Variants in TEK observed in about 807,000 individuals in gnomAD.
TEK encodes angiopoietin-1 receptor.
TEK carries 43 observed loss-of-function variants against 131.8 expected under a neutral mutation model. The observed-to-expected ratio is 0.33, with a 90% CI of 0.26 to 0.42. TEK has a LOEUF of 0.42. TEK is among the 10% of genes least tolerant of loss of function. The pLI, the probability that TEK is intolerant of heterozygous loss-of-function variation, is 1.00. For missense variants in TEK, 1,162 were observed against 1,384.4 expected, an observed-to-expected ratio of 0.84 and a Z score of 2.55; for synonymous variants, 580 against 491.6, an observed-to-expected ratio of 1.18 and a Z score of -2.38.
At chr9:27,218,852 T>C (rs1229750091) in intron 20 of TEK, 35 bp downstream of exon 20, 7 of 1,606,500 alleles carry the variant, frequency 4.4e-6, no homozygotes, top group East Asian at 4.5e-5. Flanking sequence ...GGTGAGACTC[T>C]AGGCAAAGTG....
chr9:27,147,102 G>A (rs1397406202), intron 1 of TEK, among the ~76,000 whole-genome samples: 2 of 152,104 alleles, frequency 1.3e-5, no homozygotes, highest in Admixed American at 1.3e-4. Flanking sequence ...TGGGTGATAC[G>A]TAAGTGTATG....
At chr9:27,181,442 T>C (rs1435641115) in intron 7 of TEK, among the ~76,000 whole-genome samples, 1 of 152,244 alleles carries the variant, frequency 6.6e-6, no homozygotes, top group Non-Finnish European at 1.5e-5. Context: ...CCATATCTTC[T>C]GTCTCTGTAG....
At chr9:27,175,076 T>TG (rs1208797314) in intron 6 of TEK, among the ~76,000 whole-genome samples, 1 of 149,862 alleles carries the variant, frequency 6.7e-6, no homozygotes, top group Non-Finnish European at 1.5e-5. Context: ...CATGCTGGTG[T>TG]GCTGCACCCA....
intron 1 of TEK, among the ~76,000 whole-genome samples, chr9:27,153,404 C>T (rs968190516): frequency 7.2e-5 from 11 of 152,170 alleles, no homozygotes; most frequent in Admixed American, 7.2e-4. Context: ...GAGCCCAGAT[C>T]GCACCATTGT....
At chr9:27,135,110 G>A (rs1465998692) in intron 1 of TEK, among the ~76,000 whole-genome samples, 1 of 36,470 alleles carries the variant, frequency 2.7e-5, no homozygotes, top group Non-Finnish European at 7.2e-5. Context: ...CTGTAATCCC[G>A]CTACTTGGGA....
intron 18 of TEK, among the ~76,000 whole-genome samples, chr9:27,215,906 G>C (rs1035788556): frequency 6.6e-6 from 1 of 152,170 alleles, no homozygotes; most frequent in African/African-American, 2.4e-5. Context: ...GTCAAATCCT[G>C]AGTTTCATAG....
At chr9:27,186,102 T>G (rs551898543) in intron 9 of TEK, among the ~76,000 whole-genome samples, 2 of 152,216 alleles carry the variant, frequency 1.3e-5, no homozygotes, top group Admixed American at 6.6e-5. Context: ...TGAGGATTAC[T>G]CACTTAATAA....
chr9:27,112,538 C>T (rs1008101152), intron 1 of TEK, among the ~76,000 whole-genome samples: 4 of 152,112 alleles, frequency 2.6e-5, no homozygotes, highest in African/African-American at 4.8e-5. Context: ...TCTTCCAAGG[C>T]GTCTCTCCAG....
intron 19 of TEK, among the ~76,000 whole-genome samples, chr9:27,218,519 T>TTTTGGACAGTACCACCTTGTA (rs1825915768): frequency 6.6e-6 from 1 of 152,090 alleles, no homozygotes; most frequent in Non-Finnish European, 1.5e-5. Context: ...ATTTCATCTG[T>TTTTGGACAGTACCACCTTGTA]TTTGGACAGT....
Position 27,155,239 on chromosome 9 carries a change from T to C in TEK, c.53-2592T>C, listed in dbSNP as rs541388764. Among the ~76,000 whole-genome samples the C allele has an allele frequency of 6.6e-5, 10 of 152,322 alleles. No homozygotes were observed. The South Asian group carries it at 1.2e-3, about 19-fold the overall frequency. On this transcript the variant is annotated intron_variant, in intron 1 of 22. Coordinates refer to ENST00000380036, the MANE Select transcript of TEK (RefSeq NM_000459.5). ...GGGAGGTGTGTGCTGGTGTTATTTTTGGAGGCTGTAATTCCACTGTTAGGC... is the reference window on the plus strand; with the variant it reads ...GGGAGGTGTGTGCTGGTGTTATTTTCGGAGGCTGTAATTCCACTGTTAGGC...
At position 27,173,244 on chromosome 9, in the gene TEK, C is replaced by T. The variant is rs765431658; in HGVS notation, c.783C>T (p.Gly261=). The T allele has an allele frequency of 6.2e-6, 10 of 1,614,008 alleles. No individual in the cohort carries two copies. The highest frequency in any genetic ancestry group is 4.4e-5 in the South Asian group (4 of 91,074). Residue 261 remains glycine (G), a synonymous_variant, in exon 6 of 23, where the codon GGC becomes GGT. Transcript: ENST00000380036. Reference sequence around the variant, plus strand: ...AAGCTTGTGAACTGCACACGTTTGGCAGAACTTGTAAAGAAAGGTGCAGTG... The same window carrying T: ...AAGCTTGTGAACTGCACACGTTTGGTAGAACTTGTAAAGAAAGGTGCAGTG... The part of the protein sequence containing the change: ...CEKACELHTF[G]RTCKERCSGQ...
intron 2 of TEK, among the ~76,000 whole-genome samples, chr9:27,160,996 C>A (rs1220890926): frequency 6.6e-6 from 1 of 152,186 alleles, no homozygotes; most frequent in Non-Finnish European, 1.5e-5. Context: ...TGAGATTATG[C>A]CCCAGTCATT....
chr9:27,129,704 G>C (rs1414883446), intron 1 of TEK, among the ~76,000 whole-genome samples: 2 of 152,166 alleles, frequency 1.3e-5, no homozygotes, highest in African/African-American at 4.8e-5. Flanking sequence ...CAAGGTCCCA[G>C]ATCAGTTGCC....
chr9:27,228,157 G>A lies in TEK; in HGVS notation c.3201-49G>A, dbSNP rs776364474. ...TCCTCTCTTTTCCTGCCGTGCCTAG[G>A]ACTGAAGCACAGTTATAGAATTAAC... On this transcript the variant is annotated intron_variant, in intron 21 of 22. Transcript: ENST00000380036. 4.7e-6 allele frequency: 7 copies of A among 1,495,052 alleles called. No individual in the cohort carries two copies. In the African/African-American group the frequency reaches 6.9e-5, roughly 15 times the overall value. 92.6% of individuals were successfully genotyped at this position (1,495,052 alleles called of 1,614,324 possible). A position where few individuals can be genotyped will look rare whatever the true frequency, so the allele number is the denominator to read the frequency against.
At chr9:27,137,998 A>G (rs1481343912) in intron 1 of TEK, among the ~76,000 whole-genome samples, 1 of 151,994 alleles carries the variant, frequency 6.6e-6, no homozygotes, top group Non-Finnish European at 1.5e-5. Flanking sequence ...CGCTGACTTC[A>G]GGAGTGAAGC....
intron 21 of TEK, among the ~76,000 whole-genome samples, chr9:27,221,697 AAACAGAAAGGAATAGTATC>A (rs1301366416): frequency 6.6e-6 from 1 of 152,206 alleles, no homozygotes; most frequent in Admixed American, 6.5e-5. Flanking sequence ...GAAAAGTAAC[AAACAGAAAGGAATAGTATC>A]AACATCAACA....
intron 1 of TEK, among the ~76,000 whole-genome samples, chr9:27,153,364 C>A (rs1369210251): frequency 6.6e-6 from 1 of 152,192 alleles, no homozygotes. Flanking sequence ...GCAGGAGATT[C>A]TTTTGAACCC....
In TEK at chr9:27,211,191, A is replaced by ATATGTATATG. The variant is rs1554701100; in HGVS notation, c.2687-1515_2687-1514insATGTATATGT. Among the ~76,000 whole-genome samples, 45 of 143,326 alleles carry ATATGTATATG rather than the reference A, an allele frequency of 3.1e-4. No individual in the cohort carries two copies. In the East Asian group the frequency reaches 5.6e-3, roughly 18 times the overall value. The allele number at this position is 143,326 out of a possible 152,430, so 94.0% of individuals were successfully genotyped here. A position where few individuals can be genotyped will look rare whatever the true frequency, so the allele number is the denominator to read the frequency against. ...TATGTGTATATATATATATGAATAT[A>ATATGTATATG]TGTATATATATGAATATATGTGTAT... On this transcript the variant is annotated intron_variant, in intron 16 of 22. Coordinates refer to ENST00000380036, the MANE Select transcript of TEK (RefSeq NM_000459.5).
intron 21 of TEK, among the ~76,000 whole-genome samples, chr9:27,224,515 T>C (rs748902005): frequency 2.6e-5 from 4 of 151,566 alleles, no homozygotes; most frequent in Non-Finnish European, 5.9e-5. Flanking sequence ...AAACCACATG[T>C]ATCTCAATAG....
Sources: allele counts gnomAD v4.1 joint callset (sites outside exome capture counted in the v4.1 genomes callset), GRCh38; gene constraint gnomAD v4.1.1; transcripts MANE v1.5; gene names NCBI Gene and HGNC (gene_info 2026-07-23, HGNC 2026-07-21).